PRCC: variants seen among roughly 807,000 people sequenced by gnomAD.
PRCC encodes proline-rich protein PRCC.
A neutral mutation model predicts 44.0 loss-of-function variants in PRCC; 10 were observed. That is an observed-to-expected ratio of 0.23 (90% CI 0.14 to 0.39). The LOEUF is 0.39. Ranked by LOEUF, PRCC falls within the 10% of genes least tolerant of loss-of-function variation. PRCC has a pLI of 1.00. For missense variants in PRCC, 573 were observed against 624.7 expected, an observed-to-expected ratio of 0.92 and a Z score of 0.88; for synonymous variants, 278 against 259.5, an observed-to-expected ratio of 1.07 and a Z score of -0.69.
chr1:156,767,965 C>A lies in PRCC; in HGVS notation c.194C>A (p.Pro65Gln). ...ATGCTGGCGCCAGCCTTTCCCCCGC[C>A]GCTGTTGCTTCCCCCACCCACCGGA... ...PQMLAPAFPPPLLLPPPTGDP... is the reference protein window; with the variant it reads ...PQMLAPAFPPQLLLPPPTGDP... Residue 65 changes from proline to glutamine, a missense_variant, in exon 1 of 7, where the codon CCG (proline) becomes CAG (glutamine). Around this residue, in one of 4 missense-constraint regions of PRCC, gnomAD observed 245 missense variants for 188.5 expected, o/e 1.30. Transcript: ENST00000271526. 6.3e-7 allele frequency: 1 copy of A among 1,585,548 alleles called. No homozygotes were observed. Among genetic ancestry groups the A allele is most frequent in the Non-Finnish European group, 8.6e-7 (1 of 1,165,810 alleles).
In PRCC at chr1:156,786,762, C is replaced by T; in HGVS notation, c.671C>T (p.Thr224Ile). 4 of 1,614,230 alleles carry T rather than the reference C, an allele frequency of 2.5e-6. No individual in the cohort carries two copies. Among genetic ancestry groups the T allele is most frequent in the Non-Finnish European group, 3.4e-6 (4 of 1,180,050 alleles). Reference sequence around the variant, plus strand: ...AAGCCCTCCAGACTGGCTTCTAAGACCAAGACTTCCTCTCTTGCCCCTGTT... The same window carrying T: ...AAGCCCTCCAGACTGGCTTCTAAGATCAAGACTTCCTCTCTTGCCCCTGTT... ...DTKPSRLASKTKTSSLAPVVG... is the reference protein window; with the variant it reads ...DTKPSRLASKIKTSSLAPVVG... Residue 224 changes from threonine to isoleucine, a missense_variant, in exon 3 of 7, where the codon ACC becomes ATC. Thr to Ile is a moderately conservative substitution (Grantham distance 89, BLOSUM62 -1). This residue lies in a region of PRCC where 118 missense variants were observed against 166.7 expected (regional missense o/e 0.71). Coordinates refer to ENST00000271526, the MANE Select transcript of PRCC (RefSeq NM_005973.5).
At chr1:156,778,321 T>A in intron 1 of PRCC, among the ~76,000 whole-genome samples, 1 of 152,330 alleles carries the variant, frequency 6.6e-6, no homozygotes, top group East Asian at 1.9e-4. Flanking sequence ...TCTCTTAGCA[T>A]AACGTTCTCC....
intron 2 of PRCC, among the ~76,000 whole-genome samples, chr1:156,785,919 C>T (rs1162423239): frequency 1.3e-5 from 2 of 150,972 alleles, no homozygotes; most frequent in African/African-American, 4.9e-5. Context: ...TCAAGCGATT[C>T]TTCTGCCTCA....
At chr1:156,769,331 C>A (rs550797879) in intron 1 of PRCC, among the ~76,000 whole-genome samples, 1 of 152,196 alleles carries the variant, frequency 6.6e-6, no homozygotes, top group Admixed American at 6.5e-5. Flanking sequence ...ATCACCTCCT[C>A]CTCCCCATTG....
intron 2 of PRCC, among the ~76,000 whole-genome samples, chr1:156,783,146 C>T (rs1392266217): frequency 3.3e-5 from 5 of 152,188 alleles, no homozygotes; most frequent in South Asian, 2.1e-4. Flanking sequence ...TCAGGTGATC[C>T]GCCCACCTCG....
chr1:156,793,215 G>C (rs1652551737), intron 4 of PRCC, among the ~76,000 whole-genome samples: 1 of 152,154 alleles, frequency 6.6e-6, no homozygotes, highest in Non-Finnish European at 1.5e-5. Context: ...TTCTTGGCAG[G>C]TTTGATAGTT....
intron 2 of PRCC, among the ~76,000 whole-genome samples, chr1:156,785,600 A>G (rs1277973819): frequency 1.3e-5 from 2 of 151,244 alleles, no homozygotes; most frequent in African/African-American, 4.9e-5. Context: ...GGGGGGGAAA[A>G]AAAAGAGAAA....
At chr1:156,797,392 G>A (rs955537826) in intron 6 of PRCC, 51 bp downstream of exon 6, 6 of 1,604,480 alleles carry the variant, frequency 3.7e-6, no homozygotes, top group South Asian at 1.1e-5. Context: ...GTAAATCTGG[G>A]AATTTGAAGG....
chr1:156,800,528 T>G lies in PRCC; in HGVS notation c.*68T>G. ...CTGGCCTGGCCCCCAGCTTCACCTCTGGGACCCCAGCTGCTCTAAGCCCAG... is the reference window on the plus strand; with the variant it reads ...CTGGCCTGGCCCCCAGCTTCACCTCGGGGACCCCAGCTGCTCTAAGCCCAG... On this transcript the variant is annotated 3_prime_UTR_variant, in exon 7 of 7. Coordinates refer to ENST00000271526, the MANE Select transcript of PRCC (RefSeq NM_005973.5). 6.6e-7 allele frequency: 1 copy of G among 1,514,084 alleles called. No homozygotes were observed. The highest frequency in any genetic ancestry group is 1.9e-4 in the Middle Eastern group (1 of 5,308). 93.8% of individuals were successfully genotyped at this position (1,514,084 alleles called of 1,614,324 possible).
chr1:156,768,283 G>T (rs765265073), intron 1 of PRCC, 44 bp downstream of exon 1: 49 of 1,524,622 alleles, frequency 3.2e-5, no homozygotes, highest in Non-Finnish European at 4.3e-5. Context: ...CATCGGGTTT[G>T]AGTCGGCTGT....
intron 1 of PRCC, among the ~76,000 whole-genome samples, chr1:156,768,954 G>C (rs560584636): frequency 6.6e-6 from 1 of 152,154 alleles, no homozygotes; most frequent in Non-Finnish European, 1.5e-5. Context: ...ATTTAGCTAT[G>C]GTCAAAGCTA....
In PRCC at chr1:156,791,679, T is replaced by C; in HGVS notation, c.1084-18T>C. ...TGTGCCCTCAGTTGGTGTGTTTTTC[T>C]TTCCTGTTTGGCTGCAGGATTATTA... On this transcript the variant is annotated intron_variant, in intron 3 of 6. Coordinates refer to ENST00000271526, the MANE Select transcript of PRCC (RefSeq NM_005973.5). The C allele has an allele frequency of 6.2e-7, 1 of 1,605,172 alleles. No individual in the cohort carries two copies. Among genetic ancestry groups the C allele is most frequent in the African/African-American group, 1.3e-5 (1 of 74,668 alleles).
rs548870651 is a variant in PRCC at position 156,800,354 on chromosome 1, A to C, written c.1390-20A>C. Reference sequence around the variant, plus strand: ...CAGAATTCCAGTTTGACCCTCCCCTACCCTTCTTCCTTGCCACAGGCCAAG... The same window carrying C: ...CAGAATTCCAGTTTGACCCTCCCCTCCCCTTCTTCCTTGCCACAGGCCAAG... On this transcript the variant is annotated intron_variant, in intron 6 of 6. Transcript: ENST00000271526. 255 of 1,612,654 alleles carry C rather than the reference A, an allele frequency of 1.6e-4. 6 individuals carry two copies. The South Asian group carries it at 2.6e-3, about 16-fold the overall frequency.
intron 1 of PRCC, among the ~76,000 whole-genome samples, chr1:156,772,558 A>G (rs537792995): frequency 1.8e-4 from 27 of 152,382 alleles, no homozygotes; most frequent in African/African-American, 6.0e-4. Flanking sequence ...AACCAAAATC[A>G]GAAGAATAAG....
intron 3 of PRCC, among the ~76,000 whole-genome samples, chr1:156,789,036 C>T (rs1652384068): frequency 6.6e-6 from 1 of 151,982 alleles, no homozygotes; most frequent in Admixed American, 6.6e-5. Flanking sequence ...GTGGTGCAAT[C>T]CCGGCTCACT....
chr1:156,767,617 A>G lies in PRCC; in HGVS notation c.-155A>G, dbSNP rs1431395800. On this transcript the variant is annotated 5_prime_UTR_variant, in exon 1 of 7. It removes an upstream start codon present in the reference 5' UTR. Transcript: ENST00000271526. ...TGTTCGGTGGAAATCAGCCGTAGCC[A>G]TGAGTTTCTGCCGGGGCTAGCCCTA... The G allele has an allele frequency of 5.6e-6, 4 of 708,162 alleles. No individual in the cohort carries two copies. Among genetic ancestry groups the G allele is most frequent in the Non-Finnish European group, 9.2e-6 (4 of 432,546 alleles). 43.9% of individuals were successfully genotyped at this position (708,162 alleles called of 1,614,324 possible).
chr1:156,783,230 T>G (rs927161950), intron 2 of PRCC, among the ~76,000 whole-genome samples: 5 of 152,238 alleles, frequency 3.3e-5, no homozygotes, highest in African/African-American at 1.2e-4. Flanking sequence ...TCCAAGCTCT[T>G]AACTGCTGCA....
chr1:156,791,751 C>A lies in PRCC; in HGVS notation c.1138C>A (p.Gln380Lys), dbSNP rs35929266. 16 of 1,613,890 alleles carry A rather than the reference C, an allele frequency of 9.9e-6. No homozygotes were observed. The African/African-American group carries it at 1.2e-4, about 12-fold the overall frequency. Reference sequence around the variant, plus strand: ...ACAGGACCCGGCCCTGGTCCCCCCCCAGGAAATTGCCCCAGATGCCTCCTT... The same window carrying A: ...ACAGGACCCGGCCCTGGTCCCCCCCAAGGAAATTGCCCCAGATGCCTCCTT... ...PAQDPALVPP[Q>K]EIAPDASFID... Residue 380 changes from glutamine to lysine, a missense_variant, in exon 4 of 7, where the codon CAG (glutamine) becomes AAG (lysine). This residue lies in a region of PRCC where 141 missense variants were observed against 130.2 expected (regional missense o/e 1.08). Coordinates refer to ENST00000271526, the MANE Select transcript of PRCC (RefSeq NM_005973.5).
At chr1:156,779,720 TC>T (rs1313708970) in intron 1 of PRCC, among the ~76,000 whole-genome samples, 1 of 152,062 alleles carries the variant, frequency 6.6e-6, no homozygotes, top group Non-Finnish European at 1.5e-5. Flanking sequence ...TGAGTGAGGT[TC>T]CTCTTTTATT....
Sources: gnomAD v4.1 joint callset for allele counts (sites outside exome capture counted in the v4.1 genomes callset) on GRCh38, gnomAD v4.1.1 for gene constraint, gnomAD v4.1.1 regional missense constraint, MANE v1.5 for transcripts, NCBI Gene and HGNC (gene_info 2026-07-23, HGNC 2026-07-21) for gene names.